The following AMMECR1L variants were observed in gnomAD, a reference collection of about 807,000 sequenced individuals.
AMMECR1L encodes AMMECR1 like.
Under a neutral mutation model 36.8 loss-of-function variants are expected in AMMECR1L, and 4 were observed. The observed-to-expected ratio is 0.11, with a 90% CI of 0.05 to 0.25. The LOEUF is 0.25. Ranked by LOEUF, AMMECR1L falls within the 10% of genes least tolerant of loss-of-function variation. The pLI is 1.00. For missense variants in AMMECR1L, 232 were observed against 392.1 expected, an observed-to-expected ratio of 0.59 and a Z score of 3.45; for synonymous variants, 147 against 148.0, an observed-to-expected ratio of 0.99 and a Z score of 0.05.
rs190662944 is a variant in AMMECR1L, at chr2:127,873,189, G to A, written c.407+639C>T. On this transcript the variant is annotated intron_variant, in intron 3 of 7. Transcript: ENST00000272647. The surrounding 1 kb of genome is among the most constrained non-coding windows in gnomAD (Gnocchi z 5.2). ...CCAGCTCAGAGCGGCTTCCAATTCT[G>A]AGGAAGAAGAAAATGCTAGCATGGA... The A allele has an allele frequency of 4.9e-4, 479 of 985,442 alleles. 3 individuals are homozygous for A. In the African/African-American group the frequency reaches 7.9e-3, roughly 16 times the overall value. 61.0% of individuals were successfully genotyped at this position (985,442 alleles called of 1,614,324 possible). A position where few individuals can be genotyped will look rare whatever the true frequency, so the allele number is the denominator to read the frequency against.
intron 2 of AMMECR1L, among the ~76,000 whole-genome samples, chr2:127,876,589 G>T (rs1426695377): frequency 1.3e-5 from 2 of 152,166 alleles, no homozygotes; most frequent in African/African-American, 4.8e-5. Context: ...TTTTTAAAAT[G>T]CTGCCTCCAA....
intron 2 of AMMECR1L, among the ~76,000 whole-genome samples, chr2:127,883,013 G>A (rs1435360415): frequency 6.6e-6 from 1 of 151,460 alleles, no homozygotes; most frequent in African/African-American, 2.4e-5. Flanking sequence ...TCAAGTTGCT[G>A]GGGCTACAGA....
intron 2 of AMMECR1L, among the ~76,000 whole-genome samples, chr2:127,883,081 T>C (rs1158944306): frequency 2.0e-5 from 3 of 147,560 alleles, no homozygotes; most frequent in Non-Finnish European, 3.0e-5. Context: ...TTTAAAAACA[T>C]AAAGAACTGC....
At chr2:127,867,282 AG>A (rs1690732343) in intron 6 of AMMECR1L, 2 of 985,342 alleles carry the variant, frequency 2.0e-6, no homozygotes, top group Non-Finnish European at 2.4e-6. Context: ...ATAATTATCT[AG>A]GAACAAACAT....
At chr2:127,876,371 T>C (rs963809244) in intron 2 of AMMECR1L, among the ~76,000 whole-genome samples, 2 of 126,036 alleles carry the variant, frequency 1.6e-5, no homozygotes, top group Non-Finnish European at 3.4e-5. Context: ...AAAAAAAAGG[T>C]GGTAGGGGGG....
chr2:127,883,661 C>A (rs1294136817), intron 2 of AMMECR1L, among the ~76,000 whole-genome samples: 1 of 152,132 alleles, frequency 6.6e-6, no homozygotes, highest in Non-Finnish European at 1.5e-5. Flanking sequence ...GAGGGCACAG[C>A]AGTCATAATT....
chr2:127,869,584 A>G lies in AMMECR1L; in HGVS notation c.634-40T>C. The G allele has an allele frequency of 2.7e-6, 4 of 1,481,086 alleles. No individual in the cohort carries two copies. Among genetic ancestry groups the G allele is most frequent in the Non-Finnish European group, 3.8e-6 (4 of 1,059,000 alleles). The allele number at this position is 1,481,086 out of a possible 1,614,324, so 91.7% of individuals were successfully genotyped here. ...ACAACCAAGTAAATGGCATTTACTT[A>G]CTCTAATGGAACTTCAGTCCCCACA... On this transcript the variant is annotated intron_variant, in intron 5 of 7. Coordinates refer to ENST00000272647, the MANE Select transcript of AMMECR1L (RefSeq NM_001199140.2). This position sits in a 1 kb window ranked among gnomAD's most constrained non-coding sequence, Gnocchi z 4.7.
chr2:127,874,211 A>T lies in AMMECR1L; in HGVS notation c.24T>A (p.Pro8=). ...CTGCTGCCAACTTGGGCTCGAGTGG[A>T]GGAACACAACGTCTTTTTCCCATCC... MGKRRCV[P]PLEPKLAAGC... Residue 8 remains proline (P), a synonymous_variant, in exon 3 of 8, where the codon CCT becomes CCA. Transcript: ENST00000272647. This position sits in a 1 kb window ranked among gnomAD's most constrained non-coding sequence, Gnocchi z 5.2. 1 of 1,614,174 alleles carries T rather than the reference A, an allele frequency of 6.2e-7. No homozygotes were observed.
intron 2 of AMMECR1L, among the ~76,000 whole-genome samples, chr2:127,876,862 A>G (rs1691264677): frequency 6.6e-6 from 1 of 152,010 alleles, no homozygotes; most frequent in Non-Finnish European, 1.5e-5. Context: ...TACTAAAAAT[A>G]CAAAATTAGC....
rs1415243698 is a variant in AMMECR1L, at chr2:127,885,627, G to A, written c.-149+183C>T. 1.0e-5 allele frequency: 10 copies of A among 981,406 alleles called. No homozygotes were observed. In the African/African-American group the frequency reaches 1.4e-4, roughly 14 times the overall value. The allele number at this position is 981,406 out of a possible 1,614,324, so 60.8% of individuals were successfully genotyped here. On this transcript the variant is annotated intron_variant, in intron 1 of 7. Transcript: ENST00000272647. ...CCGCTGGGACATGGCCTGAGGCCCCGCCCGCCGCCCGGGACTCCTCCCCCC... is the reference window on the plus strand; with the variant it reads ...CCGCTGGGACATGGCCTGAGGCCCCACCCGCCGCCCGGGACTCCTCCCCCC...
chr2:127,874,416 G>C lies in AMMECR1L; in HGVS notation c.-38-144C>G. 1 of 763,306 alleles carries C rather than the reference G, an allele frequency of 1.3e-6. No individual in the cohort carries two copies. The highest frequency in any genetic ancestry group is 2.0e-6 in the Non-Finnish European group (1 of 491,208). 47.3% of individuals were successfully genotyped at this position (763,306 alleles called of 1,614,324 possible). ...TCAACCTCCAGGTCACAGACCAGGA[G>C]AAGAAACCCCTAACCTTTTCCTAAA... is the stretch of plus-strand genomic sequence containing the variant. On this transcript the variant is annotated intron_variant, in intron 2 of 7. Coordinates refer to ENST00000272647, the MANE Select transcript of AMMECR1L (RefSeq NM_001199140.2). This position sits in a 1 kb window ranked among gnomAD's most constrained non-coding sequence, Gnocchi z 5.2.
chr2:127,867,590 C>T (rs7572242), intron 6 of AMMECR1L, among the ~76,000 whole-genome samples: 75,081 of 151,648 alleles, frequency 0.5, 19,801 homozygotes, highest in African/African-American at 0.68. Context: ...CTACTAAGAA[C>T]GCAAAAATTA....
Position 127,873,746 on chromosome 2 carries a change from A to C in AMMECR1L, c.407+82T>G. ...CCTCAAATGATAATAAAGACTTCCA[A>C]GTAGCAGACCCTCTCAAGAGAATCA... On this transcript the variant is annotated intron_variant, in intron 3 of 7. Transcript: ENST00000272647. This position sits in a 1 kb window ranked among gnomAD's most constrained non-coding sequence, Gnocchi z 5.2. 7 of 1,599,550 alleles carry C rather than the reference A, an allele frequency of 4.4e-6. No individual in the cohort carries two copies. The highest frequency in any genetic ancestry group is 5.1e-6 in the Non-Finnish European group (6 of 1,177,002).
chr2:127,883,153 G>C (rs1184274087), intron 2 of AMMECR1L, among the ~76,000 whole-genome samples: 2 of 149,450 alleles, frequency 1.3e-5, no homozygotes, highest in Non-Finnish European at 3.0e-5. Context: ...CTGGAGTACA[G>C]TGGCATGATC....
chr2:127,865,092 T>C lies in AMMECR1L; in HGVS notation c.*2A>G. On this transcript the variant is annotated 3_prime_UTR_variant, in exon 8 of 8. Coordinates refer to ENST00000272647, the MANE Select transcript of AMMECR1L (RefSeq NM_001199140.2). The surrounding 1 kb of genome is among the most constrained non-coding windows in gnomAD (Gnocchi z 5.4). ...GGGTGGGACTGGTCATGCAGCCGTG[T>C]GTCAGGAGTAATGATTGTAGAGGGG... 2 of 1,611,494 alleles carry C rather than the reference T, an allele frequency of 1.2e-6. No homozygotes were observed. The highest frequency in any genetic ancestry group is 1.7e-6 in the Non-Finnish European group (2 of 1,178,458).
Position 127,873,568 on chromosome 2 carries a change from C to G in AMMECR1L, c.407+260G>C, listed in dbSNP as rs1303745272. 1.0e-6 allele frequency: 1 copy of G among 985,300 alleles called. No homozygotes were observed. The highest frequency in any genetic ancestry group is 1.7e-5 in the African/African-American group (1 of 57,240). The allele number at this position is 985,300 out of a possible 1,614,324, so 61.0% of individuals were successfully genotyped here. A position where few individuals can be genotyped will look rare whatever the true frequency, so the allele number is the denominator to read the frequency against. On this transcript the variant is annotated intron_variant, in intron 3 of 7. Transcript: ENST00000272647. The surrounding 1 kb of genome is among the most constrained non-coding windows in gnomAD (Gnocchi z 5.2). Reference sequence around the variant, plus strand: ...ACTGCCATGTGAACCAACAGAAGAGCCAAGAATGAACTCACTTGATTTCCA... The same window carrying G: ...ACTGCCATGTGAACCAACAGAAGAGGCAAGAATGAACTCACTTGATTTCCA...
At chr2:127,883,103 CT>C (rs70985485) in intron 2 of AMMECR1L, among the ~76,000 whole-genome samples, 99 of 141,400 alleles carry the variant, frequency 7.0e-4, no homozygotes, top group Admixed American at 1.1e-3. Flanking sequence ...AATTTCTTTT[CT>C]TTTTTTTTTT....
At chr2:127,881,788 C>T (rs1691512356) in intron 2 of AMMECR1L, among the ~76,000 whole-genome samples, 1 of 152,196 alleles carries the variant, frequency 6.6e-6, no homozygotes. Context: ...TAATACAATT[C>T]CATTAAGAAT....
At chr2:127,876,758 C>CTA (rs1298736953) in intron 2 of AMMECR1L, among the ~76,000 whole-genome samples, 1 of 152,140 alleles carries the variant, frequency 6.6e-6, no homozygotes, top group Non-Finnish European at 1.5e-5. Flanking sequence ...TGGCTCACGC[C>CTA]TATGAACCCA....
Sources: allele counts gnomAD v4.1 joint callset (sites outside exome capture counted in the v4.1 genomes callset), GRCh38; gene constraint gnomAD v4.1.1; non-coding constraint Gnocchi (gnomAD v3.1); transcripts MANE v1.5; gene names NCBI Gene and HGNC (gene_info 2026-07-23, HGNC 2026-07-21).